ABCA12: variants seen among roughly 807,000 people sequenced by gnomAD.
ABCA12 encodes the protein glucosylceramide transporter ABCA12.
Under a neutral mutation model 293.5 loss-of-function variants are expected in ABCA12, and 156 were observed. The observed-to-expected ratio is 0.53, with a 90% CI of 0.47 to 0.61. The LOEUF (loss-of-function observed/expected upper bound fraction) is 0.61. Among genes scored for constraint, ABCA12 ranks in the 20% least tolerant of loss-of-function variants. The pLI is 0.00. For missense variants in ABCA12, 2,797 were observed against 3,090.2 expected, an observed-to-expected ratio of 0.91 and a Z score of 2.25; for synonymous variants, 1,063 against 1,108.0, an observed-to-expected ratio of 0.96 and a Z score of 0.81.
intron 50 of ABCA12, among the ~76,000 whole-genome samples, chr2:214,939,621 G>C (rs562128674): frequency 6.6e-6 from 1 of 152,212 alleles, no homozygotes; most frequent in Non-Finnish European, 1.5e-5. Flanking sequence ...CCATTTGTTT[G>C]TGTCCTCTCT....
chr2:215,023,280 G>A (rs1268170101), intron 11 of ABCA12: 1 of 152,180 alleles, frequency 6.6e-6, no homozygotes, highest in Admixed American at 6.5e-5. Flanking sequence ...GGGATGCAAT[G>A]GTAAAGGAAC....
chr2:215,036,044 TAA>T (rs1416233307), intron 8 of ABCA12, among the ~76,000 whole-genome samples: 1 of 152,120 alleles, frequency 6.6e-6, no homozygotes, highest in Admixed American at 6.5e-5. Flanking sequence ...ACTTTTTTTT[TAA>T]GAGTAATCCT....
intron 2 of ABCA12, among the ~76,000 whole-genome samples, chr2:215,100,657 T>C (rs1489656447): frequency 6.6e-6 from 1 of 152,214 alleles, no homozygotes; most frequent in Non-Finnish European, 1.5e-5. Flanking sequence ...ATCTATCTTG[T>C]GTGTTTCTTC....
At chr2:215,075,817 T>C in intron 2 of ABCA12, 1 of 475,472 alleles carries the variant, frequency 2.1e-6, no homozygotes, top group East Asian at 3.6e-5. Context: ...ACAGTGAATT[T>C]TGTGTGCTAT....
chr2:215,010,188 T>C (rs1440713528), intron 18 of ABCA12, 143 bp downstream of exon 18: 6 of 1,079,302 alleles, frequency 5.6e-6, no homozygotes, highest in Non-Finnish European at 6.7e-6. Context: ...TTGAGAATTT[T>C]ACTAATAGTT....
intron 23 of ABCA12, among the ~76,000 whole-genome samples, chr2:214,993,300 G>A (rs1559135810): frequency 6.6e-6 from 1 of 152,174 alleles, no homozygotes; most frequent in Admixed American, 6.5e-5. Context: ...GGAAAATATG[G>A]GTCAAAGTAG....
intron 52 of ABCA12, 105 bp downstream of exon 52, chr2:214,933,973 T>G: frequency 8.1e-6 from 10 of 1,234,158 alleles, no homozygotes; most frequent in Non-Finnish European, 1.2e-5. Context: ...GACTAGATAT[T>G]AATTCAATTA....
chr2:215,061,122 A>G (rs1176667348), intron 3 of ABCA12, among the ~76,000 whole-genome samples: 1 of 152,092 alleles, frequency 6.6e-6, no homozygotes, highest in Non-Finnish European at 1.5e-5. Context: ...GAAAAGGGTA[A>G]GATCTGTGAT....
At chr2:215,011,326 T>C in intron 17 of ABCA12, 113 bp downstream of exon 17, 1 of 833,454 alleles carries the variant, frequency 1.2e-6, no homozygotes, top group Admixed American at 2.3e-5. Context: ...ATTTTCTATT[T>C]TTATTCTTGG....
chr2:214,990,915 A>G lies in ABCA12; in HGVS notation c.3411T>C (p.Asn1137=). The stretch of plus-strand genomic sequence containing the variant: ...TGAACCCATTTGTTTTAGGAAGAAT[A>G]TTGCCAAACTTGAGTATAATGATGA... ...VILIIILKFG[N]ILPKTNGFIL... The change falls in exon 24 of 53, where the codon AAT becomes AAC. Residue 1137 remains asparagine (N), a synonymous_variant. Coordinates refer to ENST00000272895, the MANE Select transcript of ABCA12 (RefSeq NM_173076.3). 1 of 1,614,076 alleles carries G rather than the reference A, an allele frequency of 6.2e-7. No homozygotes were observed. The highest frequency in any genetic ancestry group is 8.5e-7 in the Non-Finnish European group (1 of 1,179,970).
chr2:215,013,480 C>T (rs1248634666), intron 15 of ABCA12: 3 of 153,442 alleles, frequency 2.0e-5, no homozygotes, highest in Non-Finnish European at 4.4e-5. Flanking sequence ...GATATGGTTA[C>T]CTCAATAGCA....
Position 215,018,271 on chromosome 2 carries a change from C to T in ABCA12, c.1658-139G>A, listed in dbSNP as rs1485057772. The T allele has an allele frequency of 1.5e-5, 15 of 1,006,424 alleles. 1 individual carries two copies. The highest frequency in any genetic ancestry group is 1.4e-4 in the South Asian group (9 of 64,552). 62.3% of individuals were successfully genotyped at this position (1,006,424 alleles called of 1,614,324 possible). ...GCAGATGTCTCCCAGTTTTGGCAAA[C>T]GTTGCATATTTAGGATCTATTTCTA... On this transcript the variant is annotated intron_variant, in intron 13 of 52. Coordinates refer to ENST00000272895, the MANE Select transcript of ABCA12 (RefSeq NM_173076.3).
In ABCA12 at chr2:214,954,189, C is replaced by A. The variant is rs1228650000; in HGVS notation, c.6394-82G>T. On this transcript the variant is annotated intron_variant, in intron 43 of 52. Transcript: ENST00000272895. ...AAATTTAAAACTAGATGGATGTAGA[C>A]AAATAGTGAAACCTAAAAAGCTTAT... The A allele has an allele frequency of 5.5e-6, 8 of 1,452,164 alleles. No individual in the cohort carries two copies. The Admixed American group carries it at 7.3e-5, about 13-fold the overall frequency. The allele number at this position is 1,452,164 out of a possible 1,614,324, so 90.0% of individuals were successfully genotyped here.
In ABCA12 at chr2:215,000,959, G is replaced by C. The variant is rs1192525262; in HGVS notation, c.2925C>G (p.Val975=). ...SWHRGYDSGN[V]FLPPVIKYTI... ...TATATTTTATGACAGGAGGAAGAAA[G>C]ACATTTCCAGAGTCATAGCCTCTGT... The change falls in exon 22 of 53, where the codon GTC becomes GTG. Residue 975 remains valine (V), a synonymous_variant. Transcript: ENST00000272895. 3 of 1,614,008 alleles carry C rather than the reference G, an allele frequency of 1.9e-6. No homozygotes were observed. The highest frequency in any genetic ancestry group is 1.7e-5 in the Admixed American group (1 of 59,986).
chr2:215,085,138 T>C (rs937649650), intron 2 of ABCA12, among the ~76,000 whole-genome samples: 3 of 151,656 alleles, frequency 2.0e-5, no homozygotes, highest in Non-Finnish European at 2.9e-5. Context: ...AAACACATTG[T>C]TGACTAAAAT....
intron 1 of ABCA12, 79 bp downstream of exon 1, chr2:215,138,061 C>A: frequency 7.2e-7 from 1 of 1,397,736 alleles, no homozygotes; most frequent in Non-Finnish European, 1.0e-6. Context: ...TCTGTTTTCA[C>A]TTCTCATTAA....
Position 215,019,810 on chromosome 2 carries a change from GAA to G in ABCA12, c.1288-16_1288-15del, listed in dbSNP as rs751317501. The G allele has an allele frequency of 3.4e-5, 55 of 1,607,640 alleles. No individual in the cohort carries two copies. In the Admixed American group the frequency reaches 8.2e-4, roughly 24 times the overall value. The stretch of plus-strand genomic sequence containing the variant: ...AAGTTGAGACAGCTTTCCAAAAAGG[GAA>G]AAGAGTGGGAAATAGATTAGTTACA... On this transcript the variant is annotated splice_polypyrimidine_tract_variant and intron_variant, in intron 11 of 52. Transcript: ENST00000272895.
At chr2:215,093,548 G>C (rs1424846837) in intron 2 of ABCA12, among the ~76,000 whole-genome samples, 1 of 152,212 alleles carries the variant, frequency 6.6e-6, no homozygotes, top group Admixed American at 6.5e-5. Flanking sequence ...ACCGCGCCCT[G>C]TAGTCTTTTT....
intron 50 of ABCA12, among the ~76,000 whole-genome samples, chr2:214,939,144 G>C (rs1029195647): frequency 2.0e-5 from 3 of 152,136 alleles, no homozygotes; most frequent in African/African-American, 7.2e-5. Flanking sequence ...TTTGTATAAG[G>C]TGTAAGGAAG....
Sources: gnomAD v4.1 joint callset for allele counts (sites outside exome capture counted in the v4.1 genomes callset) on GRCh38, gnomAD v4.1.1 for gene constraint, MANE v1.5 for transcripts, NCBI Gene and HGNC (gene_info 2026-07-23, HGNC 2026-07-21) for gene names.